The following ZNF570 variants were observed in gnomAD, a reference collection of about 807,000 sequenced individuals.
The protein encoded by ZNF570 is zinc finger protein 570.
A neutral mutation model predicts 14.2 loss-of-function variants in ZNF570; 8 were observed. That is an observed-to-expected ratio of 0.56 (90% confidence interval 0.33 to 1.02). The LOEUF is 1.02. Ranked by LOEUF, ZNF570 falls within the 50% of genes least tolerant of loss-of-function variation. The pLI is 0.03. For missense variants in ZNF570, 559 were observed against 624.9 expected (o/e 0.89, Z 1.12); for synonymous variants, 202 against 207.6 (o/e 0.97, Z 0.23).
In ZNF570 at chr19:37,483,885, A is replaced by G; in HGVS notation, c.263A>G (p.Glu88Gly). The G allele has an allele frequency of 6.3e-7, 1 of 1,590,390 alleles. No homozygotes were observed. Among genetic ancestry groups the G allele is most frequent in the Non-Finnish European group, 8.5e-7 (1 of 1,171,184 alleles). Residue 88 changes from glutamate to glycine, a missense_variant, in exon 5 of 5, where the codon GAG (glutamate) becomes GGG (glycine). By Grantham distance (98) the Glu-to-Gly change is moderately conservative (BLOSUM62 -2). Transcript: ENST00000330173. ...ELTKGLCSGW[E>G]PICETEELTP... is the part of the protein sequence containing the mutation. ...TCTTATTATTACTTTTCAGGCTGGG[A>G]GCCTATATGTGAGACTGAAGAATTA...
At chr19:37,479,482 T>G (rs1170400479) in intron 4 of ZNF570, among the ~76,000 whole-genome samples, 3 of 152,260 alleles carry the variant, frequency 2.0e-5, no homozygotes, top group African/African-American at 7.2e-5. Context: ...GAATACAGTG[T>G]TTGATATTTG....
chr19:37,477,341 CTT>C (rs757151185), intron 4 of ZNF570, among the ~76,000 whole-genome samples: 6 of 105,634 alleles, frequency 5.7e-5, no homozygotes, highest in Admixed American at 9.6e-5. Flanking sequence ...GTATTTGTAA[CTT>C]TTTTTTTTTT....
chr19:37,482,052 T>G (rs1243813089), intron 4 of ZNF570, among the ~76,000 whole-genome samples: 1 of 152,246 alleles, frequency 6.6e-6, no homozygotes, highest in Admixed American at 6.5e-5. Context: ...GTGACTGGCT[T>G]ATTTCACTTA....
At position 37,484,752 on chromosome 19, in the gene ZNF570, A is replaced by G. The variant is rs775251091; in HGVS notation, c.1130A>G (p.Gln377Arg). The G allele has an allele frequency of 1.2e-6, 2 of 1,614,060 alleles. No individual in the cohort carries two copies. Among genetic ancestry groups the G allele is most frequent in the South Asian group, 1.1e-5 (1 of 91,092 alleles). Reference protein sequence around the residue: ...FSLRAYLTVHQRIHTGERPYE... With the variant: ...FSLRAYLTVHRRIHTGERPYE... ...CTTCGTGCATACCTTACTGTACATCAGAGAATACATACTGGAGAGAGACCC... is the reference window on the plus strand; with the variant it reads ...CTTCGTGCATACCTTACTGTACATCGGAGAATACATACTGGAGAGAGACCC... Residue 377 changes from glutamine (Q) to arginine (R), a missense_variant, in exon 5 of 5, where the codon CAG (glutamine) becomes CGG (arginine). Coordinates refer to ENST00000330173, the MANE Select transcript of ZNF570 (RefSeq NM_144694.5).
rs1260451506 is a variant in ZNF570 at position 37,485,754 on chromosome 19, A to T, written c.*521A>T. On this transcript the variant is annotated 3_prime_UTR_variant, in exon 5 of 5. Transcript: ENST00000330173. ...TGTTCTTTTTAAAGAATAAGAAAAC[A>T]CACATGGGCTGGGTGTGATGGCTCA... 6.6e-6 allele frequency: 1 copy of T among 152,198 alleles called. No individual in the cohort carries two copies. The highest frequency in any genetic ancestry group is 2.4e-5 in the African/African-American group (1 of 41,440). 9.4% of individuals were successfully genotyped at this position (152,198 alleles called of 1,614,324 possible).
In ZNF570 at chr19:37,469,415, G is replaced by A; in HGVS notation, c.-194G>A. The A allele has an allele frequency of 6.5e-7, 1 of 1,529,734 alleles. No homozygotes were observed. Among genetic ancestry groups the A allele is most frequent in the Non-Finnish European group, 8.8e-7 (1 of 1,142,788 alleles). The allele number at this position is 1,529,734 out of a possible 1,614,324, so 94.8% of individuals were successfully genotyped here. ...CCAACTAAGGGTAGCGGTGAGACCCGAGTGCAGATTCCCCGAGCCTTCGGG... is the reference window on the plus strand; with the variant it reads ...CCAACTAAGGGTAGCGGTGAGACCCAAGTGCAGATTCCCCGAGCCTTCGGG... On this transcript the variant is annotated 5_prime_UTR_variant, in exon 1 of 5. Transcript: ENST00000330173.
chr19:37,475,649 A>G (rs940588823), intron 2 of ZNF570, among the ~76,000 whole-genome samples: 10 of 152,248 alleles, frequency 6.6e-5, no homozygotes, highest in African/African-American at 2.4e-4. Flanking sequence ...TGAATAAAAT[A>G]ATTAAGTGCA....
At chr19:37,483,141 T>C (rs1335911997) in intron 4 of ZNF570, among the ~76,000 whole-genome samples, 1 of 152,152 alleles carries the variant, frequency 6.6e-6, no homozygotes, top group Non-Finnish European at 1.5e-5. Context: ...CTTTATATCC[T>C]ACTACTCACT....
At position 37,484,097 on chromosome 19, in the gene ZNF570, G is replaced by C; in HGVS notation, c.475G>C (p.Asp159His). 1.2e-6 allele frequency: 2 copies of C among 1,614,002 alleles called. No individual in the cohort carries two copies. Among genetic ancestry groups the C allele is most frequent in the Non-Finnish European group, 1.7e-6 (2 of 1,179,984 alleles). ...EIITHEEPLF[D>H]EREQEYKSWG... ...AATCACTCATGAAGAACCCCTTTTT[G>C]ATGAGAGAGAACAAGAATATAAATC... Residue 159 changes from aspartate (D) to histidine (H), a missense_variant, in exon 5 of 5, where the codon GAT (aspartate) becomes CAT (histidine). By Grantham distance (81) the Asp-to-His change is moderately conservative. Coordinates refer to ENST00000330173, the MANE Select transcript of ZNF570 (RefSeq NM_144694.5).
chr19:37,469,390 C>T lies in ZNF570; in HGVS notation c.-219C>T. On this transcript the variant is annotated 5_prime_UTR_variant, in exon 1 of 5. Transcript: ENST00000330173. ...CGGGCCCGTAAGGGCTGGGTTCCAT[C>T]CAACTAAGGGTAGCGGTGAGACCCG... The T allele has an allele frequency of 6.7e-7, 1 of 1,486,516 alleles. No individual in the cohort carries two copies. Among genetic ancestry groups the T allele is most frequent in the Non-Finnish European group, 9.0e-7 (1 of 1,116,106 alleles). The allele number at this position is 1,486,516 out of a possible 1,614,324, so 92.1% of individuals were successfully genotyped here. A position where few individuals can be genotyped will look rare whatever the true frequency, so the allele number is the denominator to read the frequency against.
In ZNF570 at chr19:37,476,334, TGCAGGAC is replaced by T. The variant is rs1292967629; in HGVS notation, c.161-4_163del. On this transcript the variant is annotated splice_acceptor_variant and splice_polypyrimidine_tract_variant and coding_sequence_variant and intron_variant, in exon 4 of 5. Transcript: ENST00000330173. LOFTEE classifies it high-confidence loss of function. Reference sequence around the variant, plus strand: ...AAACTCTACTTTTTTTTTTCGTATTTGCAGGACTTTGCTTTTCCAAACCAAGTGTGAT... The same window carrying T: ...AAACTCTACTTTTTTTTTTCGTATTTTTTGCTTTTCCAAACCAAGTGTGAT... 1 of 1,613,234 alleles carries T rather than the reference TGCAGGAC, an allele frequency of 6.2e-7. No individual in the cohort carries two copies. The highest frequency in any genetic ancestry group is 1.7e-5 in the Admixed American group (1 of 59,702).
In ZNF570 at chr19:37,484,164, A is replaced by T; in HGVS notation, c.542A>T (p.Lys181Met). 1.2e-6 allele frequency: 2 copies of T among 1,613,854 alleles called. No individual in the cohort carries two copies. Among genetic ancestry groups the T allele is most frequent in the Non-Finnish European group, 1.7e-6 (2 of 1,179,966 alleles). ...CAGAACCCACTGCTTTGTACACAAA[A>T]GATAATCCCCAAAGAGGAGAAAGTA... is the stretch of plus-strand genomic sequence containing the variant. ...FHQNPLLCTQ[K>M]IIPKEEKVHK... is the part of the protein sequence containing the mutation. The change falls in exon 5 of 5, where the codon AAG becomes ATG. Residue 181 changes from lysine (K) to methionine (M), a missense_variant. Transcript: ENST00000330173.
chr19:37,467,899 G>A (rs2041875624), upstream of ZNF570: 1 of 1,536,138 alleles, frequency 6.5e-7, no homozygotes, highest in Non-Finnish European at 8.7e-7. Context: ...CAATGTGCAT[G>A]TATTTGTTCT....
chr19:37,472,742 C>CAAA lies in ZNF570; in HGVS notation c.33+2371_33+2373dup, dbSNP rs34301870. Among the ~76,000 whole-genome samples, 227 of 102,820 alleles carry CAAA rather than the reference C, an allele frequency of 2.2e-3. 1 individual carries two copies. The highest frequency in any genetic ancestry group is 0.02 in the East Asian group (72 of 3,672). 67.5% of individuals were successfully genotyped at this position (102,820 alleles called of 152,430 possible). A position where few individuals can be genotyped will look rare whatever the true frequency, so the allele number is the denominator to read the frequency against. On this transcript the variant is annotated intron_variant, in intron 2 of 4. Transcript: ENST00000330173. ...GGGCAACAAGAGTGAAACTTTGTCTCAAAAAAAAAAAAAAAAAAGAAGGAA... is the reference window on the plus strand; with the variant it reads ...GGGCAACAAGAGTGAAACTTTGTCTCAAAAAAAAAAAAAAAAAAAAAGAAGGAA...
At chr19:37,480,214 G>A (rs117622841) in intron 4 of ZNF570, among the ~76,000 whole-genome samples, 3 of 152,226 alleles carry the variant, frequency 2.0e-5, no homozygotes, top group East Asian at 1.9e-4. Context: ...AGCCAGGCAC[G>A]GTGGCTCACG....
chr19:37,471,837 C>T (rs1233159033), intron 2 of ZNF570, among the ~76,000 whole-genome samples: 3 of 152,142 alleles, frequency 2.0e-5, no homozygotes, highest in African/African-American at 7.2e-5. Context: ...TAACGTACTT[C>T]CTGGCTCCAT....
upstream of ZNF570, chr19:37,469,012 C>A (rs2041903430): frequency 2.0e-6 from 2 of 979,196 alleles, no homozygotes; most frequent in African/African-American, 1.8e-5. Context: ...CGATTCTCAA[C>A]TCCCCGCCCT....
rs2042132425 is a variant in ZNF570, at chr19:37,484,779, A to G, written c.1157A>G (p.Tyr386Cys). The part of the protein sequence containing the change: ...HQRIHTGERP[Y>C]ECKECGKAFS... ...AGAATACATACTGGAGAGAGACCCT[A>G]TGAATGTAAGGAATGTGGGAAGGCC... The change falls in exon 5 of 5, where the codon TAT becomes TGT. Residue 386 changes from tyrosine to cysteine, a missense_variant. By Grantham distance (194) the Tyr-to-Cys change is radical. Transcript: ENST00000330173. The G allele has an allele frequency of 6.2e-7, 1 of 1,614,004 alleles. No individual in the cohort carries two copies. Among genetic ancestry groups the G allele is most frequent in the African/African-American group, 1.3e-5 (1 of 74,896 alleles).
chr19:37,468,781 C>T (rs2041897163), upstream of ZNF570, among the ~76,000 whole-genome samples: 1 of 152,212 alleles, frequency 6.6e-6, no homozygotes, highest in African/African-American at 2.4e-5. Context: ...GCTGGGATTA[C>T]AGGCGTGAGC....
Sources: allele counts gnomAD v4.1 joint callset (sites outside exome capture counted in the v4.1 genomes callset), GRCh38; gene constraint gnomAD v4.1.1; transcripts MANE v1.5; gene names NCBI Gene and HGNC (gene_info 2026-07-23, HGNC 2026-07-21).